The following RGS5 variants were observed in gnomAD, a reference collection of about 807,000 sequenced individuals.
RGS5 encodes the protein regulator of G-protein signalling 5.
A neutral mutation model predicts 18.9 loss-of-function variants in RGS5; 20 were observed. The observed-to-expected ratio is 1.06, with a 90% CI of 0.74 to 1.54. The LOEUF is 1.54. Ranked by LOEUF, RGS5 falls within the 40% of genes most tolerant of loss-of-function variation. The probability of loss-of-function intolerance (pLI) is 0.00; values close to 1 mark genes in which losing one functional copy is unlikely to be tolerated. For missense variants in RGS5, 201 were observed against 211.8 expected, an observed-to-expected ratio of 0.95 and a Z score of 0.32; for synonymous variants, 57 against 76.2, an observed-to-expected ratio of 0.75 and a Z score of 1.31.
chr1:163,286,129 AC>A (rs750313420), intron 2 of RGS5, among the ~76,000 whole-genome samples: 25 of 152,018 alleles, frequency 1.6e-4, no homozygotes, highest in Non-Finnish European at 3.5e-4. Flanking sequence ...TGGAAAAAAA[AC>A]CCCCAATAAA....
At chr1:163,191,274 C>A (rs1659340050) in intron 1 of RGS5, among the ~76,000 whole-genome samples, 1 of 151,748 alleles carries the variant, frequency 6.6e-6, no homozygotes, top group African/African-American at 2.4e-5. Context: ...TGGGTCTTGA[C>A]AGGAATAGCC....
chr1:163,232,326 A>C (rs1647503844), intron 2 of RGS5, among the ~76,000 whole-genome samples: 1 of 152,202 alleles, frequency 6.6e-6, no homozygotes, highest in Admixed American at 6.5e-5. Flanking sequence ...ACTCAATGAA[A>C]GTTTCCTGTG....
intron 1 of RGS5, among the ~76,000 whole-genome samples, chr1:163,187,967 T>C (rs1409113177): frequency 6.6e-6 from 1 of 152,032 alleles, no homozygotes; most frequent in African/African-American, 2.4e-5. Context: ...GGAATTGAAC[T>C]GGAGGACTCT....
At chr1:163,209,788 G>A (rs1660057559) in intron 1 of RGS5, among the ~76,000 whole-genome samples, 1 of 152,064 alleles carries the variant, frequency 6.6e-6, no homozygotes, top group South Asian at 2.1e-4. Flanking sequence ...GCTTCTGCAA[G>A]AAAGAGATAG....
At chr1:163,191,210 C>T (rs1274245767) in intron 1 of RGS5, among the ~76,000 whole-genome samples, 1 of 152,020 alleles carries the variant, frequency 6.6e-6, no homozygotes, top group Non-Finnish European at 1.5e-5. Context: ...GTGGGAAGGG[C>T]AGGAACATAG....
chr1:163,142,465 A>T lies in RGS5; in HGVS notation c.*4877T>A, dbSNP rs1656960740. ...TCTTGAATTTAAAATATATGGGATA[A>T]ATGCTTACAAATGGATTTATAAACC... On this transcript the variant is annotated 3_prime_UTR_variant, in exon 5 of 5. Transcript: ENST00000313961. The T allele has an allele frequency of 1.3e-5, 2 of 152,140 alleles. No homozygotes were observed. The allele number at this position is 152,140 out of a possible 1,614,324, so 9.4% of individuals were successfully genotyped here. A position where few individuals can be genotyped will look rare whatever the true frequency, so the allele number is the denominator to read the frequency against.
chr1:163,272,046 CTCTTTT>C (rs1157917234), intron 2 of RGS5, among the ~76,000 whole-genome samples: 1 of 151,704 alleles, frequency 6.6e-6, no homozygotes, highest in Non-Finnish European at 1.5e-5. Flanking sequence ...CCCTCTCTCT[CTCTTTT>C]TCTTTTTTTC....
At chr1:163,191,147 G>C (rs1185416880) in intron 1 of RGS5, among the ~76,000 whole-genome samples, 1 of 152,124 alleles carries the variant, frequency 6.6e-6, no homozygotes, top group Non-Finnish European at 1.5e-5. Context: ...GAACTGTCCT[G>C]TTTGTCAGCA....
intron 1 of RGS5, among the ~76,000 whole-genome samples, chr1:163,196,099 C>G (rs1163936873): frequency 6.6e-6 from 1 of 152,156 alleles, no homozygotes; most frequent in East Asian, 1.9e-4. Context: ...TTAAGAGTAA[C>G]TTCCTCGATC....
chr1:163,147,918 C>CTTTTTTTTTTT (rs534448527), intron 4 of RGS5, among the ~76,000 whole-genome samples: 14 of 78,086 alleles, frequency 1.8e-4, no homozygotes, highest in Non-Finnish European at 2.4e-4. Flanking sequence ...TTTTCTTTTT[C>CTTTTTTTTTTT]TTTTTTTTTT....
upstream of RGS5, among the ~76,000 whole-genome samples, chr1:163,222,571 T>C (rs1212162602): frequency 6.6e-6 from 1 of 152,148 alleles, no homozygotes; most frequent in African/African-American, 2.4e-5. Flanking sequence ...GTTCTCCTTT[T>C]CTCCATGTAT....
At chr1:163,309,968 C>A (rs1281830526) in intron 1 of RGS5, among the ~76,000 whole-genome samples, 2 of 152,128 alleles carry the variant, frequency 1.3e-5, no homozygotes, top group Non-Finnish European at 2.9e-5. Context: ...AATCAGGGCT[C>A]TTGGGTGACT....
chr1:163,262,654 G>C (rs528779724), intron 2 of RGS5, among the ~76,000 whole-genome samples: 6 of 126,714 alleles, frequency 4.7e-5, no homozygotes, highest in African/African-American at 1.8e-4. Flanking sequence ...ATGATTTATA[G>C]TCATTTGGGT....
Position 163,152,724 on chromosome 1 carries a change from GAA to G in RGS5, c.218-10_218-9del, listed in dbSNP as rs972668752. ...TGAAACTGGCAAGTCCATCTGGAAA[GAA>G]AAAAACAGTCAGCTGGAGAAATTTA... On this transcript the variant is annotated splice_polypyrimidine_tract_variant and intron_variant, in intron 3 of 4. Transcript: ENST00000313961. 6.4e-7 allele frequency: 1 copy of G among 1,562,456 alleles called. No homozygotes were observed. The highest frequency in any genetic ancestry group is 8.6e-7 in the Non-Finnish European group (1 of 1,159,998).
chr1:163,235,414 A>T (rs1647597020), intron 2 of RGS5, among the ~76,000 whole-genome samples: 1 of 152,246 alleles, frequency 6.6e-6, no homozygotes, highest in Non-Finnish European at 1.5e-5. Context: ...GGGAAGGACA[A>T]GAAAATCATG....
At chr1:163,243,339 C>T (rs1417575299) in intron 2 of RGS5, among the ~76,000 whole-genome samples, 1 of 152,016 alleles carries the variant, frequency 6.6e-6, no homozygotes, top group Admixed American at 6.6e-5. Flanking sequence ...ATACTTAATG[C>T]ATGCAGGGCT....
At chr1:163,250,655 CTTT>C (rs1435283228) in intron 2 of RGS5, among the ~76,000 whole-genome samples, 1 of 152,096 alleles carries the variant, frequency 6.6e-6, no homozygotes, top group Non-Finnish European at 1.5e-5. Context: ...TACCTCACTA[CTTT>C]TTTAAGCTCT....
chr1:163,314,410 TAG>T lies in RGS5; in HGVS notation c.-378+7210_-378+7211del, dbSNP rs781721522. On this transcript the variant is annotated intron_variant, in intron 1 of 5. Transcript: ENST00000618415. ...GAGAAAACAGGATTTGAAAAAGATA[TAG>T]AGAACTTAGAAGTGATTTTCTCCTA... 9.2e-5 allele frequency among the ~76,000 whole-genome samples: 14 copies of T among 152,196 alleles called. No homozygotes were observed. In the East Asian group the frequency reaches 1.7e-3, roughly 19 times the overall value.
At chr1:163,296,192 T>A (rs1241451831) in intron 2 of RGS5, among the ~76,000 whole-genome samples, 4 of 152,180 alleles carry the variant, frequency 2.6e-5, no homozygotes, top group African/African-American at 9.7e-5. Context: ...CTATTCTTAC[T>A]GCAACTATCT....
Sources: gnomAD v4.1 joint callset for allele counts (sites outside exome capture counted in the v4.1 genomes callset) on GRCh38, gnomAD v4.1.1 for gene constraint, MANE v1.5 for transcripts, NCBI Gene and HGNC (gene_info 2026-07-23, HGNC 2026-07-21) for gene names.